Variants in AQP9 observed in about 807,000 individuals in gnomAD.
AQP9 encodes aquaporin 9.
A neutral mutation model predicts 23.8 loss-of-function variants in AQP9; 19 were observed. That is an observed-to-expected ratio of 0.80 (90% CI 0.56 to 1.17). The LOEUF (loss-of-function observed/expected upper bound fraction) is 1.17. Among genes scored for constraint, AQP9 ranks in the 50% most tolerant of loss-of-function variants. The probability of loss-of-function intolerance (pLI) is 0.00; values close to 1 mark genes in which losing one functional copy is unlikely to be tolerated. For missense variants in AQP9, 413 were observed against 362.0 expected, an observed-to-expected ratio of 1.14 and a Z score of -1.14; for synonymous variants, 153 against 131.5, an observed-to-expected ratio of 1.16 and a Z score of -1.12.
intron 4 of AQP9, among the ~76,000 whole-genome samples, chr15:58,177,354 A>G (rs1460635642): frequency 6.6e-6 from 1 of 152,150 alleles, no homozygotes; most frequent in Non-Finnish European, 1.5e-5. Context: ...GTAAGTAGAT[A>G]CTCTTTTGCA....
In AQP9 at chr15:58,184,560, T is replaced by G. The variant is rs1328696428; in HGVS notation, c.*425T>G. On this transcript the variant is annotated 3_prime_UTR_variant, in exon 6 of 6. Coordinates refer to ENST00000219919, the MANE Select transcript of AQP9 (RefSeq NM_020980.5). ...TTCTGAGTACCAACCAAACCCTAAA[T>G]TGAAAGACAAAACTATGGTTTCAGT... The G allele has an allele frequency of 6.4e-6, 1 of 155,698 alleles. No individual in the cohort carries two copies. Among genetic ancestry groups the G allele is most frequent in the African/African-American group, 2.4e-5 (1 of 41,548 alleles). 9.6% of individuals were successfully genotyped at this position (155,698 alleles called of 1,614,324 possible). A position where few individuals can be genotyped will look rare whatever the true frequency, so the allele number is the denominator to read the frequency against.
In AQP9 at chr15:58,173,200, A is replaced by G; in HGVS notation, c.371A>G (p.Tyr124Cys). 6.2e-7 allele frequency: 1 copy of G among 1,614,132 alleles called. No individual in the cohort carries two copies. The highest frequency in any genetic ancestry group is 1.1e-5 in the South Asian group (1 of 91,086). ...GGGGCTGCAACCGTCTTTGGCATTT[A>G]CTATGGTGAGTAAAGTCCCTGAGTC... ...FVGAATVFGI[Y>C]YDGLMSFAGG... The change falls in exon 3 of 6, where the codon TAC (tyrosine) becomes TGC (cysteine). Residue 124 changes from tyrosine to cysteine, a missense_variant. Physicochemically the swap from Tyr to Cys is radical, Grantham distance 194. Transcript: ENST00000219919.
chr15:58,176,192 A>T (rs1898750152), intron 4 of AQP9, among the ~76,000 whole-genome samples: 1 of 152,164 alleles, frequency 6.6e-6, no homozygotes, highest in African/African-American at 2.4e-5. Flanking sequence ...CTAGTTGAAG[A>T]GCATTGAACA....
intron 2 of AQP9, among the ~76,000 whole-genome samples, 180 bp from the exon 3 acceptor site, chr15:58,172,888 C>T (rs554799774): frequency 8.5e-5 from 13 of 152,222 alleles, no homozygotes; most frequent in Admixed American, 8.5e-4. Flanking sequence ...AATGATCATT[C>T]CTCCTTCTCT....
intron 1 of AQP9, chr15:58,152,629 T>TA (rs1332184934): frequency 6.6e-6 from 1 of 152,114 alleles, no homozygotes; most frequent in Admixed American, 6.6e-5. Flanking sequence ...ACCACTATTA[T>TA]AAAAACACTA....
chr15:58,158,418 T>A (rs757543045), intron 1 of AQP9, among the ~76,000 whole-genome samples: 21 of 152,192 alleles, frequency 1.4e-4, no homozygotes, highest in Non-Finnish European at 1.5e-5. Context: ...CAGCCTCAAT[T>A]TGCTCATCCA....
chr15:58,171,091 ATT>A (rs3985731), intron 2 of AQP9, among the ~76,000 whole-genome samples: 2 of 137,114 alleles, frequency 1.5e-5, no homozygotes, highest in Non-Finnish European at 3.1e-5. Flanking sequence ...CGCCCAACTA[ATT>A]TTTTTTTTTT....
chr15:58,175,113 A>C, intron 4 of AQP9, 77 bp downstream of exon 4: 1 of 1,270,574 alleles, frequency 7.9e-7, no homozygotes, highest in Non-Finnish European at 1.1e-6. Context: ...GGAGAATTAG[A>C]GACCAATCAG....
chr15:58,184,319 T>G lies in AQP9; in HGVS notation c.*184T>G. The G allele has an allele frequency of 1.7e-6, 1 of 586,384 alleles. No individual in the cohort carries two copies. Among genetic ancestry groups the G allele is most frequent in the Non-Finnish European group, 2.9e-6 (1 of 343,302 alleles). 36.3% of individuals were successfully genotyped at this position (586,384 alleles called of 1,614,324 possible). A position where few individuals can be genotyped will look rare whatever the true frequency, so the allele number is the denominator to read the frequency against. On this transcript the variant is annotated 3_prime_UTR_variant, in exon 6 of 6. Coordinates refer to ENST00000219919, the MANE Select transcript of AQP9 (RefSeq NM_020980.5). ...GGAAACAATGACCACTTCTCTACCA[T>G]TGTCCCCCACCCCCACCCCCCAGAA...
intron 1 of AQP9, among the ~76,000 whole-genome samples, chr15:58,141,967 G>C (rs1465471120): frequency 6.6e-6 from 1 of 152,200 alleles, no homozygotes; most frequent in Admixed American, 6.5e-5. Context: ...TTTTGGTCTA[G>C]TACATTATTT....
intron 1 of AQP9, chr15:58,153,243 T>C (rs536822532): frequency 6.6e-6 from 1 of 152,336 alleles, no homozygotes; most frequent in African/African-American, 2.4e-5. Context: ...CACTAATTAC[T>C]GTTCTCCTGG....
chr15:58,166,263 A>C (rs1482270099), intron 1 of AQP9, among the ~76,000 whole-genome samples: 3 of 152,254 alleles, frequency 2.0e-5, no homozygotes, highest in African/African-American at 7.2e-5. Context: ...CCCTGTGAAC[A>C]ACCAGATCTT....
chr15:58,181,429 G>C (rs1235242178), intron 5 of AQP9, among the ~76,000 whole-genome samples: 1 of 152,238 alleles, frequency 6.6e-6, no homozygotes, highest in African/African-American at 2.4e-5. Context: ...AACTCCAGGA[G>C]TTTAGAGGTC....
At chr15:58,171,654 C>T (rs1360577762) in intron 2 of AQP9, among the ~76,000 whole-genome samples, 1 of 152,198 alleles carries the variant, frequency 6.6e-6, no homozygotes, top group African/African-American at 2.4e-5. Context: ...TTTTCTTGCT[C>T]ATTGTAGCCA....
intron 5 of AQP9, among the ~76,000 whole-genome samples, chr15:58,180,399 T>C (rs1388059773): frequency 2.0e-5 from 3 of 152,086 alleles, no homozygotes; most frequent in African/African-American, 7.2e-5. Flanking sequence ...CTGGTACCAT[T>C]GAGATCACCA....
chr15:58,140,111 G>C (rs1213179947), intron 1 of AQP9, among the ~76,000 whole-genome samples: 2 of 152,144 alleles, frequency 1.3e-5, no homozygotes, highest in South Asian at 2.1e-4. Flanking sequence ...CAGCCTCACA[G>C]TGACGAGTGA....
intron 1 of AQP9, among the ~76,000 whole-genome samples, chr15:58,161,612 A>G (rs1898384172): frequency 6.6e-6 from 1 of 152,190 alleles, no homozygotes; most frequent in Non-Finnish European, 1.5e-5. Context: ...TTTGTTATAG[A>G]TGTCTTTTCT....
At position 58,138,669 on chromosome 15, in the gene AQP9, T is replaced by C. The variant is rs1279511159; in HGVS notation, c.104T>C (p.Ile35Thr). 14 of 1,613,402 alleles carry C rather than the reference T, an allele frequency of 8.7e-6. No individual in the cohort carries two copies. Among genetic ancestry groups the C allele is most frequent in the Non-Finnish European group, 1.2e-5 (14 of 1,179,530 alleles). Residue 35 changes from isoleucine to threonine, a missense_variant, in exon 1 of 6, where the codon ATC (isoleucine) becomes ACC (threonine). By Grantham distance (89) the Ile-to-Thr change is moderately conservative. Transcript: ENST00000219919. Reference protein sequence around the residue: ...ETLSEFLGTFILIVLGCGCVA... With the variant: ...ETLSEFLGTFTLIVLGCGCVA... ...CTCTCTGAGTTCTTGGGCACGTTCA[T>C]CTTGATTGTAAGTATTTCCTGATTT...
chr15:58,144,870 T>C (rs1898013782), intron 1 of AQP9, among the ~76,000 whole-genome samples: 1 of 151,678 alleles, frequency 6.6e-6, no homozygotes, highest in Non-Finnish European at 1.5e-5. Flanking sequence ...AAAAATTAGC[T>C]GGGCATGATG....
Sources: allele counts gnomAD v4.1 joint callset (sites outside exome capture counted in the v4.1 genomes callset), GRCh38; gene constraint gnomAD v4.1.1; transcripts MANE v1.5; gene names NCBI Gene and HGNC (gene_info 2026-07-23, HGNC 2026-07-21).